Variants in EPPK1 observed in about 807,000 individuals in gnomAD.
EPPK1 encodes the protein epiplakin.
For synonymous variants in EPPK1, 1,862 were observed against 1,721.2 expected (o/e 1.08, Z -2.03); for missense variants, 3,823 against 3,673.3 (o/e 1.04, Z -1.05).
At chr8:143,873,487 G>C (rs1819422947) in intron 1 of EPPK1, among the ~76,000 whole-genome samples, 189 bp from the exon 2 acceptor site, 1 of 152,072 alleles carries the variant, frequency 6.6e-6, no homozygotes, top group African/African-American at 2.4e-5. Flanking sequence ...GGAAGTGCCA[G>C]CTCAGAGGGA....
chr8:143,878,294 G>A (rs1819520928), intron 1 of EPPK1, 144 bp downstream of exon 1: 1 of 146,456 alleles, frequency 6.8e-6, no homozygotes, highest in Admixed American at 6.8e-5. Context: ...GCCTCGGCGT[G>A]CGGCTCCAGC....
Position 143,869,850 on chromosome 8 carries a change from A to G in EPPK1, c.3404T>C (p.Val1135Ala), listed in dbSNP as rs1428677018. The change falls in exon 2 of 2, where the codon GTG becomes GCG. Residue 1135 changes from valine (V) to alanine (A), a missense_variant. Transcript: ENST00000615648. ...EEQVQRSLQA[V>A]PGAKDGTSLW... is the part of the protein sequence containing the mutation. ...GGATGTGCCATCCTTGGCCCCCGGC[A>G]CGGCCTGCAGGCTCCTCTGGACCTG... The G allele has an allele frequency of 1.2e-5, 20 of 1,600,164 alleles. No individual in the cohort carries two copies. The highest frequency in any genetic ancestry group is 2.6e-6 in the Non-Finnish European group (3 of 1,174,298).
chr8:143,874,809 T>A (rs1819449475), intron 1 of EPPK1, among the ~76,000 whole-genome samples: 1 of 151,930 alleles, frequency 6.6e-6, no homozygotes, highest in African/African-American at 2.4e-5. Flanking sequence ...CAGCAGCCTG[T>A]CCATGACAAC....
rs782394699 is a variant in EPPK1, at chr8:143,872,596, GCA to G, written c.656_657del (p.Val219AlafsTer27). The part of the protein sequence containing the change: ...LTYHQLLERC[V>X]RAPGSGLALL... ...AAGGCTAGCCCCGAGCCGGGGGCAC[GCA>G]CACACCTTTCCAGCAGCTGGTGGTA... On this transcript the variant is annotated frameshift_variant, in exon 2 of 2. Coordinates refer to ENST00000615648, the MANE Select transcript of EPPK1 (RefSeq NM_031308.4). LOFTEE classifies it low-confidence loss of function (END_TRUNC). 1.2e-6 allele frequency: 2 copies of G among 1,610,062 alleles called. No homozygotes were observed. The highest frequency in any genetic ancestry group is 3.3e-5 in the Admixed American group (2 of 59,886).
In EPPK1 at chr8:143,870,068, C is replaced by T. The variant is rs1554660608; in HGVS notation, c.3186G>A (p.Val1062=). The T allele has an allele frequency of 6.2e-7, 1 of 1,610,552 alleles. No individual in the cohort carries two copies. Among genetic ancestry groups the T allele is most frequent in the South Asian group, 1.1e-5 (1 of 90,548 alleles). The change falls in exon 2 of 2, where the codon GTG becomes GTA. Residue 1062 remains valine, a synonymous_variant. Transcript: ENST00000615648. The surrounding 1 kb of genome is among the most constrained non-coding windows in gnomAD (Gnocchi z 5.2). ...PTSHHHLPMP[V]AIQRGYVDQE... ...GGTCAACATAGCCACGCTGAATGGC[C>T]ACTGGCATGGGGAGGTGGTGGTGGC...
rs782643318 is a variant in EPPK1, at chr8:143,867,026, C to T, written c.6228G>A (p.Glu2076=). ...RELQERCRPQ[E]DTGWLLFPVN... is the part of the protein sequence containing the mutation. ...CTGGGAACAGCAGCCAGCCCGTGTC[C>T]TCTTGTGGGCGGCACCTCTCCTGCA... is the stretch of plus-strand genomic sequence containing the variant. Residue 2076 remains glutamate (E), a synonymous_variant, in exon 2 of 2, where the codon GAG becomes GAA. Transcript: ENST00000615648. 4.0e-5 allele frequency: 65 copies of T among 1,612,744 alleles called. No homozygotes were observed. The highest frequency in any genetic ancestry group is 5.4e-5 in the Non-Finnish European group (64 of 1,179,874).
chr8:143,873,528 G>A (rs969634591), intron 1 of EPPK1, among the ~76,000 whole-genome samples: 8 of 152,052 alleles, frequency 5.3e-5, no homozygotes, highest in East Asian at 1.9e-4. Flanking sequence ...AGGCGGCGCC[G>A]GGAGGCCTCT....
In EPPK1 at chr8:143,869,053, T is replaced by C; in HGVS notation, c.4201A>G (p.Lys1401Glu). The change falls in exon 2 of 2, where the codon AAG (lysine) becomes GAG (glutamate). Residue 1401 changes from lysine to glutamate, a missense_variant. Coordinates refer to ENST00000615648, the MANE Select transcript of EPPK1 (RefSeq NM_031308.4). ...QVLTAVDKDNKFFFDPSARDQ... is the reference protein window; with the variant it reads ...QVLTAVDKDNEFFFDPSARDQ... Reference sequence around the variant, plus strand: ...CGCGCACTGGGGTCAAAGAAGAACTTGTTGTCCTTGTCAACTGCAGTCAGC... The same window carrying C: ...CGCGCACTGGGGTCAAAGAAGAACTCGTTGTCCTTGTCAACTGCAGTCAGC... The C allele has an allele frequency of 2.5e-6, 4 of 1,599,490 alleles. No individual in the cohort carries two copies. The highest frequency in any genetic ancestry group is 3.4e-6 in the Non-Finnish European group (4 of 1,170,634).
At position 143,872,124 on chromosome 8, in the gene EPPK1, AGG is replaced by A; in HGVS notation, c.1128_1129del (p.Leu377PhefsTer49). ...TAGCCCCTTCTTCATGGCCTGGAAAAGGGGGATTTGGGAGCCACTGAAGGGGT... is the reference window on the plus strand; with the variant it reads ...TAGCCCCTTCTTCATGGCCTGGAAAAGGGATTTGGGAGCCACTGAAGGGGT... On this transcript the variant is annotated frameshift_variant, in exon 2 of 2. Transcript: ENST00000615648. LOFTEE classifies it low-confidence loss of function (END_TRUNC). 1 of 1,565,780 alleles carries A rather than the reference AGG, an allele frequency of 6.4e-7. No homozygotes were observed. The highest frequency in any genetic ancestry group is 8.6e-7 in the Non-Finnish European group (1 of 1,156,776).
rs530749563 is a variant in EPPK1 at position 143,874,076 on chromosome 8, G to A, written c.-45-778C>T. On this transcript the variant is annotated intron_variant, in intron 1 of 1. Coordinates refer to ENST00000615648, the MANE Select transcript of EPPK1 (RefSeq NM_031308.4). ...CCCGGGGGCCGCAGGCTCAGCAGAC[G>A]TGTGGCAGTCCTGCCAGGAGCCGGG... Among the ~76,000 whole-genome samples, 1,349 of 152,338 alleles carry A rather than the reference G, an allele frequency of 8.9e-3. 16 individuals are homozygous for A. The highest frequency in any genetic ancestry group is 0.03 in the African/African-American group (1,240 of 41,576).
Position 143,868,297 on chromosome 8 carries a change from T to A in EPPK1, c.4957A>T (p.Thr1653Ser). 6.2e-7 allele frequency: 1 copy of A among 1,613,140 alleles called. No individual in the cohort carries two copies. The highest frequency in any genetic ancestry group is 8.5e-7 in the Non-Finnish European group (1 of 1,180,016). Residue 1653 changes from threonine (T) to serine (S), a missense_variant, in exon 2 of 2, where the codon ACC becomes TCC. By Grantham distance (58) the Thr-to-Ser change is moderately conservative. Transcript: ENST00000615648. ...ATCTGCTGCCCGGTATAGGGGTCGG[T>A]GTAGCCGGTGACGGCGCGCTCGGCC... ...LSAERAVTGY[T>S]DPYTGQQISL...
In EPPK1 at chr8:143,870,484, T is replaced by C. The variant is rs782734552; in HGVS notation, c.2770A>G (p.Arg924Gly). Residue 924 changes from arginine to glycine, a missense_variant, in exon 2 of 2, where the codon AGG becomes GGG. Transcript: ENST00000615648. The surrounding 1 kb of genome is among the most constrained non-coding windows in gnomAD (Gnocchi z 5.2). ...EALLLMDGVR[R>G]YLCGLGAVGG... ...ACAGCTCCCAGGCCGCACAGGTACC[T>C]GCGGACGCCGTCCATGAGTAGGAGG... 4 of 1,605,064 alleles carry C rather than the reference T, an allele frequency of 2.5e-6. No homozygotes were observed. Among genetic ancestry groups the C allele is most frequent in the Non-Finnish European group, 3.4e-6 (4 of 1,176,866 alleles).
rs1819105553 is a variant in EPPK1, at chr8:143,866,346, GCCGACAGCAGCTTCTCC to G, written c.6891_6907del (p.Gln2297HisfsTer340). 4 of 669,842 alleles carry G rather than the reference GCCGACAGCAGCTTCTCC, an allele frequency of 6.0e-6. No homozygotes were observed. In the African/African-American group the frequency reaches 7.6e-5, roughly 13 times the overall value. 41.5% of individuals were successfully genotyped at this position (669,842 alleles called of 1,614,324 possible). A position where few individuals can be genotyped will look rare whatever the true frequency, so the allele number is the denominator to read the frequency against. The stretch of plus-strand genomic sequence containing the variant: ...GGTGTAGCCGGTGACGGCGCGCTCG[GCCGACAGCAGCTTCTCC>G]TGGATCTCGCCGCCCACCACGCCCG... On this transcript the variant is annotated frameshift_variant, in exon 2 of 2. Coordinates refer to ENST00000615648, the MANE Select transcript of EPPK1 (RefSeq NM_031308.4). LOFTEE classifies it low-confidence loss of function (END_TRUNC).
At position 143,868,124 on chromosome 8, in the gene EPPK1, G is replaced by T; in HGVS notation, c.5130C>A (p.Phe1710Leu). 11 of 1,613,280 alleles carry T rather than the reference G, an allele frequency of 6.8e-6. No individual in the cohort carries two copies. The highest frequency in any genetic ancestry group is 7.6e-6 in the Non-Finnish European group (9 of 1,180,030). ...PVDVAYRCGY[F>L]DEEMNRILAD... ...CCAGGATGCGGTTCATCTCCTCGTCGAAGTAGCCGCAGCGGTAGGCCACGT... is the reference window on the plus strand; with the variant it reads ...CCAGGATGCGGTTCATCTCCTCGTCTAAGTAGCCGCAGCGGTAGGCCACGT... Residue 1710 changes from phenylalanine (F) to leucine (L), a missense_variant, in exon 2 of 2, where the codon TTC becomes TTA. Phe to Leu is a conservative substitution (Grantham distance 22). Coordinates refer to ENST00000615648, the MANE Select transcript of EPPK1 (RefSeq NM_031308.4).
chr8:143,878,051 T>C (rs1819514590), intron 1 of EPPK1, among the ~76,000 whole-genome samples: 2 of 151,874 alleles, frequency 1.3e-5, no homozygotes, highest in African/African-American at 4.8e-5. Context: ...GCCTGGGCGT[T>C]CCCCACCCTG....
chr8:143,876,942 C>T (rs560362337), intron 1 of EPPK1, among the ~76,000 whole-genome samples: 28 of 152,338 alleles, frequency 1.8e-4, no homozygotes, highest in Non-Finnish European at 3.2e-4. Flanking sequence ...CCCTGACCTG[C>T]GCACAGGCCG....
chr8:143,874,593 G>A lies in EPPK1; in HGVS notation c.-45-1295C>T, dbSNP rs184326512. 5.6e-3 allele frequency among the ~76,000 whole-genome samples: 851 copies of A among 152,294 alleles called. 7 individuals carry two copies. Among genetic ancestry groups the A allele is most frequent in the Non-Finnish European group, 9.8e-3 (668 of 68,020 alleles). Reference sequence around the variant, plus strand: ...ATCCTCCCCTCGAGCTCCGGAGGAAGTGCGGCCCTGCCCACTCCTCGCCTT... The same window carrying A: ...ATCCTCCCCTCGAGCTCCGGAGGAAATGCGGCCCTGCCCACTCCTCGCCTT... On this transcript the variant is annotated intron_variant, in intron 1 of 1. Transcript: ENST00000615648.
In EPPK1 at chr8:143,868,160, G is replaced by A. The variant is rs146777869; in HGVS notation, c.5094C>T (p.Arg1698=). ...AGCGGTAGGCCACGTCCACGGGCAC[G>A]CGGTGGCTGTGCACGGGGTCGATGA... The part of the protein sequence containing the change: ...GGIIDPVHSH[R]VPVDVAYRCG... The change falls in exon 2 of 2, where the codon CGC becomes CGT. Residue 1698 remains arginine (R), a synonymous_variant. Coordinates refer to ENST00000615648, the MANE Select transcript of EPPK1 (RefSeq NM_031308.4). 3,550 of 1,613,138 alleles carry A rather than the reference G, an allele frequency of 2.2e-3. 50 individuals carry two copies. The African/African-American group carries it at 0.036, about 16-fold the overall frequency.
rs376669804 is a variant in EPPK1, at chr8:143,873,179, G to A, written c.75C>T (p.Ala25=). 46 of 1,596,000 alleles carry A rather than the reference G, an allele frequency of 2.9e-5. No homozygotes were observed. The highest frequency in any genetic ancestry group is 9.4e-5 in the African/African-American group (7 of 74,346). The part of the protein sequence containing the change: ...NSTEQASVPR[A]MAATLGAGTP... ...TGCCGGCTCCCAGCGTGGCTGCCAT[G>A]GCTCTGGGTACACTGGCCTGCTCTG... The change falls in exon 2 of 2, where the codon GCC becomes GCT. Residue 25 remains alanine, a synonymous_variant. Coordinates refer to ENST00000615648, the MANE Select transcript of EPPK1 (RefSeq NM_031308.4).
Sources: gnomAD v4.1 joint callset for allele counts (sites outside exome capture counted in the v4.1 genomes callset) on GRCh38, gnomAD v4.1.1 for gene constraint, Gnocchi (gnomAD v3.1) non-coding constraint, MANE v1.5 for transcripts, NCBI Gene and HGNC (gene_info 2026-07-23, HGNC 2026-07-21) for gene names.